The following CDYL2 variants were observed in gnomAD, a reference collection of about 807,000 sequenced individuals.
CDYL2 encodes chromodomain Y-like protein 2.
Under a neutral mutation model 49.4 loss-of-function variants are expected in CDYL2, and 23 were observed. The observed-to-expected ratio is 0.47, with a 90% confidence interval of 0.34 to 0.66. The LOEUF (loss-of-function observed/expected upper bound fraction) is 0.66, where lower values mean the gene tolerates loss of function less well. Among genes scored for constraint, CDYL2 ranks in the 30% least tolerant of loss-of-function variants. The pLI is 0.01. For synonymous variants in CDYL2, 360 were observed against 268.8 expected (o/e 1.34, Z -3.32); for missense variants, 678 against 656.4 (o/e 1.03, Z -0.36).
chr16:80,610,749 G>A (rs145027552), intron 5 of CDYL2, among the ~76,000 whole-genome samples: 15 of 152,216 alleles, frequency 9.9e-5, no homozygotes, highest in Non-Finnish European at 1.0e-4. Context: ...TTGCAGGGCC[G>A]GGAGCCAGCA....
intron 2 of CDYL2, among the ~76,000 whole-genome samples, chr16:80,660,513 T>C (rs151008346): frequency 1.3e-5 from 2 of 152,136 alleles, no homozygotes; most frequent in East Asian, 3.9e-4. Flanking sequence ...ATAAAATGTA[T>C]CAATCCAGTG....
chr16:80,689,448 G>C (rs995729812), intron 1 of CDYL2, among the ~76,000 whole-genome samples: 3 of 152,216 alleles, frequency 2.0e-5, no homozygotes, highest in Non-Finnish European at 4.4e-5. Flanking sequence ...TCATTTGACA[G>C]GGGAGGAAAC....
rs913617119 is a variant in CDYL2 at position 80,601,798 on chromosome 16, G to C, written c.*2590C>G. 1 of 152,122 alleles carries C rather than the reference G, an allele frequency of 6.6e-6. No individual in the cohort carries two copies. The highest frequency in any genetic ancestry group is 2.4e-5 in the African/African-American group (1 of 41,424). The allele number at this position is 152,122 out of a possible 1,614,324, so 9.4% of individuals were successfully genotyped here. ...CAAAATACAGACTTTCACCACCCCCGTTACACCCAGGACCTGTGACTTAAC... is the reference window on the plus strand; with the variant it reads ...CAAAATACAGACTTTCACCACCCCCCTTACACCCAGGACCTGTGACTTAAC... On this transcript the variant is annotated 3_prime_UTR_variant, in exon 7 of 7. Coordinates refer to ENST00000570137, the MANE Select transcript of CDYL2 (RefSeq NM_152342.4).
chr16:80,650,994 G>C (rs1195793398), intron 2 of CDYL2, among the ~76,000 whole-genome samples: 1 of 150,034 alleles, frequency 6.7e-6, no homozygotes, highest in East Asian at 2.0e-4. Context: ...GGGAGATGAA[G>C]TGGTTAAGGA....
At chr16:80,775,941 G>C (rs1360061664) in intron 1 of CDYL2, among the ~76,000 whole-genome samples, 3 of 151,360 alleles carry the variant, frequency 2.0e-5, no homozygotes, top group African/African-American at 7.3e-5. Flanking sequence ...CAAAATATTG[G>C]TCATACATTA....
intron 1 of CDYL2, among the ~76,000 whole-genome samples, chr16:80,704,471 G>C (rs1160833588): frequency 6.6e-6 from 1 of 152,228 alleles, no homozygotes; most frequent in African/African-American, 2.4e-5. Context: ...GAAGCACACA[G>C]TCCATGGGGA....
At chr16:80,688,529 T>C (rs1910288740) in intron 1 of CDYL2, among the ~76,000 whole-genome samples, 1 of 152,188 alleles carries the variant, frequency 6.6e-6, no homozygotes, top group African/African-American at 2.4e-5. Flanking sequence ...ATATACATTG[T>C]TTCACCCCCA....
intron 1 of CDYL2, among the ~76,000 whole-genome samples, chr16:80,802,132 C>A (rs1044883415): frequency 1.3e-5 from 2 of 152,080 alleles, no homozygotes; most frequent in African/African-American, 4.8e-5. Context: ...CTGGCAACGA[C>A]AATTACCAGC....
intron 1 of CDYL2, among the ~76,000 whole-genome samples, chr16:80,760,856 C>T (rs774118528): frequency 6.6e-6 from 1 of 151,756 alleles, no homozygotes; most frequent in African/African-American, 2.4e-5. Flanking sequence ...ATCATAGAAA[C>T]TGAAGGTTGC....
intron 1 of CDYL2, among the ~76,000 whole-genome samples, chr16:80,747,074 T>C (rs1461752945): frequency 6.6e-6 from 1 of 152,158 alleles, no homozygotes; most frequent in Non-Finnish European, 1.5e-5. Flanking sequence ...TCATCATCTG[T>C]GTGCTGTCAG....
intron 1 of CDYL2, among the ~76,000 whole-genome samples, chr16:80,764,084 T>C (rs112206504): frequency 1.3e-5 from 2 of 152,162 alleles, no homozygotes; most frequent in African/African-American, 4.8e-5. Flanking sequence ...AAAGATGGTA[T>C]GATTTAATAT....
intron 2 of CDYL2, among the ~76,000 whole-genome samples, chr16:80,655,552 G>A (rs77894052): frequency 0.027 from 4,160 of 152,226 alleles, 151 homozygotes; most frequent in African/African-American, 0.075. Flanking sequence ...TTCCATTAGC[G>A]CAACAGGGTG....
intron 2 of CDYL2, among the ~76,000 whole-genome samples, chr16:80,661,059 A>G (rs576189354): frequency 6.0e-4 from 91 of 152,296 alleles, no homozygotes; most frequent in Admixed American, 3.3e-3. Context: ...TACCATGCAA[A>G]TAAGTTTTCA....
At chr16:80,639,695 C>G in intron 2 of CDYL2, 1 of 455,938 alleles carries the variant, frequency 2.2e-6, no homozygotes, top group Non-Finnish European at 4.4e-6. Context: ...CTTCATATTG[C>G]TGAAAGAAGC....
chr16:80,683,064 C>G (rs753975820), intron 2 of CDYL2, among the ~76,000 whole-genome samples: 1 of 152,206 alleles, frequency 6.6e-6, no homozygotes, highest in African/African-American at 2.4e-5. Flanking sequence ...CAGCTCTGCA[C>G]GTTCTGGACT....
chr16:80,604,688 C>G, intron 6 of CDYL2, 142 bp from the exon 7 acceptor site: 1 of 792,180 alleles, frequency 1.3e-6, no homozygotes, highest in Non-Finnish European at 2.1e-6. Flanking sequence ...CCTTCCCAGT[C>G]CCATGTTTCC....
chr16:80,610,329 G>C lies in CDYL2; in HGVS notation c.1219-2094C>G, dbSNP rs376890162. ...CTAGGTGCAACAGCCACAGTCCTGA[G>C]AATGTGCGGAGCTGCCTCAAGAGCA... On this transcript the variant is annotated intron_variant, in intron 5 of 6. Transcript: ENST00000570137. Among the ~76,000 whole-genome samples, 224 of 152,320 alleles carry C rather than the reference G, an allele frequency of 1.5e-3. 1 individual carries two copies. Among genetic ancestry groups the C allele is most frequent in the African/African-American group, 5.0e-3 (209 of 41,576 alleles).
At chr16:80,761,673 A>C (rs1383372525) in intron 1 of CDYL2, among the ~76,000 whole-genome samples, 1 of 150,170 alleles carries the variant, frequency 6.7e-6, no homozygotes, top group Non-Finnish European at 1.5e-5. Flanking sequence ...GGTGACTTAG[A>C]TGTGAAAGCC....
At chr16:80,774,182 A>T (rs1474214373) in intron 1 of CDYL2, among the ~76,000 whole-genome samples, 2 of 152,228 alleles carry the variant, frequency 1.3e-5, no homozygotes, top group African/African-American at 4.8e-5. Context: ...AAGAAAATTT[A>T]TTTGATACAT....
Sources: allele counts gnomAD v4.1 joint callset (sites outside exome capture counted in the v4.1 genomes callset), GRCh38; gene constraint gnomAD v4.1.1; transcripts MANE v1.5; gene names NCBI Gene and HGNC (gene_info 2026-07-23, HGNC 2026-07-21).